The following KIF23 variants were observed in gnomAD, a reference collection of about 807,000 sequenced individuals.
The protein encoded by KIF23 is kinesin-like protein KIF23.
A neutral mutation model predicts 137.5 loss-of-function variants in KIF23; 30 were observed. The observed-to-expected ratio is 0.22, with a 90% confidence interval of 0.16 to 0.30. KIF23 has a LOEUF of 0.30. Ranked by LOEUF, KIF23 falls within the 10% of genes least tolerant of loss-of-function variation. KIF23 has a pLI of 1.00. For missense variants in KIF23, 920 were observed against 1,194.3 expected (o/e 0.77, Z 3.38); for synonymous variants, 367 against 391.1 (o/e 0.94, Z 0.73).
Position 69,444,837 on chromosome 15 carries a change from C to T in KIF23, c.2469C>T (p.His823=). Residue 823 remains histidine, a synonymous_variant, in exon 20 of 24, where the codon CAC becomes CAT. Coordinates refer to ENST00000679126, the MANE Select transcript of KIF23 (RefSeq NM_001367805.3). The surrounding 1 kb of genome is among the most constrained non-coding windows in gnomAD (Gnocchi z 4.2). ...DQNAPPIRLR[H]RRSRSAGDRW... ...ACGCACCACCAATTCGTCTCCGACA[C>T]AGACGATCACGCTCTGCAGGAGACA... 2 of 1,614,130 alleles carry T rather than the reference C, an allele frequency of 1.2e-6. No individual in the cohort carries two copies. Among genetic ancestry groups the T allele is most frequent in the South Asian group, 1.1e-5 (1 of 91,078 alleles).
rs1287660616 is a variant in KIF23, at chr15:69,426,132, C to T, written c.839C>T (p.Thr280Ile). The T allele has an allele frequency of 1.2e-6, 2 of 1,609,328 alleles. No homozygotes were observed. Among genetic ancestry groups the T allele is most frequent in the African/African-American group, 1.3e-5 (1 of 74,484 alleles). The change falls in exon 9 of 24, where the codon ACA (threonine) becomes ATA (isoleucine). Residue 280 changes from threonine to isoleucine, a missense_variant. Physicochemically the swap from Thr to Ile is moderately conservative, Grantham distance 89. This residue lies in a region of KIF23 where 714 missense variants were observed against 866.2 expected (regional missense o/e 0.82). Coordinates refer to ENST00000679126, the MANE Select transcript of KIF23 (RefSeq NM_001367805.3). ...CATAACATGTATGTTGCAGGATGTA[C>T]AGAAGTTGAAGTGAAATCTACTGAG... The part of the protein sequence containing the change: ...KNHNMYVAGC[T>I]EVEVKSTEEA...
At chr15:69,434,984 C>T in intron 11 of KIF23, 2 of 627,902 alleles carry the variant, frequency 3.2e-6, no homozygotes, top group South Asian at 4.0e-5. Context: ...CCGTGGACAG[C>T]TTCAGAAACA....
intron 10 of KIF23, chr15:69,427,309 C>G (rs2057223070): frequency 4.6e-6 from 2 of 439,160 alleles, no homozygotes; most frequent in South Asian, 1.6e-5. Flanking sequence ...CTCGAGGACA[C>G]CAAGGGATGA....
chr15:69,414,575 G>GCAGCGCGGA, intron 1 of KIF23, 99 bp downstream of exon 1: 4 of 1,244,012 alleles, frequency 3.2e-6, no homozygotes, highest in Non-Finnish European at 4.1e-6. Flanking sequence ...CCGTACGCGG[G>GCAGCGCGGA]CAGCGCGGAC....
In KIF23 at chr15:69,440,803, C is replaced by A. The variant is rs1305633140; in HGVS notation, c.2145C>A (p.Gly715=). Residue 715 remains glycine, a synonymous_variant, in exon 19 of 24, where the codon GGC becomes GGA. Coordinates refer to ENST00000679126, the MANE Select transcript of KIF23 (RefSeq NM_001367805.3). Reference sequence around the variant, plus strand: ...ACTATATTGCTCAGATTTCCAACGGCCAGCAACTCATGAGCCAGCCACAGC... The same window carrying A: ...ACTATATTGCTCAGATTTCCAACGGACAGCAACTCATGAGCCAGCCACAGC... ...SSNYIAQISN[G]QQLMSQPQLH... is the part of the protein sequence containing the mutation. 6.2e-7 allele frequency: 1 copy of A among 1,612,034 alleles called. No individual in the cohort carries two copies. The highest frequency in any genetic ancestry group is 2.2e-5 in the East Asian group (1 of 44,894).
intron 22 of KIF23, 52 bp downstream of exon 22, chr15:69,446,416 T>G (rs1267379601): frequency 7.1e-7 from 1 of 1,406,040 alleles, no homozygotes; most frequent in Non-Finnish European, 1.0e-6. Context: ...GTTTGTCATG[T>G]TTTAAACCCC....
chr15:69,425,242 T>A (rs1316192539), intron 7 of KIF23, 40 bp from the exon 8 acceptor site: 1 of 1,506,866 alleles, frequency 6.6e-7, no homozygotes, highest in East Asian at 2.5e-5. Flanking sequence ...GTGAGATGGC[T>A]GCTGTAGAAA....
At chr15:69,428,660 CAAAAAA>C (rs59950355) in intron 10 of KIF23, among the ~76,000 whole-genome samples, 1 of 74,040 alleles carries the variant, frequency 1.4e-5, no homozygotes, top group African/African-American at 5.8e-5. Flanking sequence ...CTCTGTCTCC[CAAAAAA>C]AAAAAAAAAA....
chr15:69,425,366 G>GT, intron 8 of KIF23, 43 bp downstream of exon 8: 5 of 1,488,080 alleles, frequency 3.4e-6, no homozygotes, highest in Non-Finnish European at 4.5e-6. Flanking sequence ...GAAGGGTGCA[G>GT]TTATACTATG....
intron 18 of KIF23, 44 bp from the exon 19 acceptor site, chr15:69,440,724 C>T (rs748154531): frequency 1.4e-6 from 2 of 1,472,866 alleles, no homozygotes; most frequent in Non-Finnish European, 1.8e-6. Context: ...TTGTTTCTCT[C>T]AGTTTTTCAG....
At chr15:69,414,739 C>T in intron 1 of KIF23, 1 of 384,100 alleles carries the variant, frequency 2.6e-6, no homozygotes, top group East Asian at 3.9e-5. Flanking sequence ...CGGCCCGGAG[C>T]CGGGGTTGTT....
At chr15:69,424,584 A>G (rs1377054324) in intron 7 of KIF23, among the ~76,000 whole-genome samples, 2 of 152,078 alleles carry the variant, frequency 1.3e-5, no homozygotes, top group East Asian at 1.9e-4. Flanking sequence ...ACTGCAGCCA[A>G]CCTCCTGGGT....
In KIF23 at chr15:69,417,427, T is replaced by C. The variant is rs771645248; in HGVS notation, c.126T>C (p.Cys42=). The C allele has an allele frequency of 6.2e-7, 1 of 1,612,646 alleles. No homozygotes were observed. The highest frequency in any genetic ancestry group is 1.1e-5 in the South Asian group (1 of 90,758). Residue 42 remains cysteine, a synonymous_variant, in exon 3 of 24, where the codon TGT becomes TGC. Transcript: ENST00000679126. ...VRPLGFPDQE[C]CIEVINNTTV... ...CACTGGGCTTTCCTGATCAAGAGTG[T>C]TGCATAGAAGTGATCAATAATACAA... is the stretch of plus-strand genomic sequence containing the variant.
intron 3 of KIF23, among the ~76,000 whole-genome samples, chr15:69,420,084 G>T (rs190759884): frequency 1.1e-3 from 166 of 152,178 alleles, no homozygotes; most frequent in African/African-American, 3.9e-3. Flanking sequence ...GGCCAACATG[G>T]CGAAACCCCA....
chr15:69,439,889 G>A lies in KIF23; in HGVS notation c.1756-15G>A. The stretch of plus-strand genomic sequence containing the variant: ...TTATATACCAAATATTGAACATAGT[G>A]GTCTACCTTCCTAGATTGAGATTTT... On this transcript the variant is annotated splice_polypyrimidine_tract_variant and intron_variant, in intron 16 of 23. Transcript: ENST00000679126. 1 of 1,591,024 alleles carries A rather than the reference G, an allele frequency of 6.3e-7. No homozygotes were observed.
intron 10 of KIF23, chr15:69,427,626 A>G (rs1450514962): frequency 5.7e-6 from 2 of 352,928 alleles, no homozygotes; most frequent in East Asian, 7.3e-5. Context: ...AGGGTCCCCC[A>G]TATGCAGATC....
At chr15:69,436,450 G>C (rs1027088000) in intron 14 of KIF23, 114 bp from the exon 15 acceptor site, 5 of 1,195,848 alleles carry the variant, frequency 4.2e-6, no homozygotes, top group Non-Finnish European at 5.9e-6. Context: ...ACTTATGTCA[G>C]CTCAAGAAAT....
intron 3 of KIF23, among the ~76,000 whole-genome samples, chr15:69,420,263 CA>C (rs993915353): frequency 6.3e-4 from 90 of 142,200 alleles, no homozygotes; most frequent in African/African-American, 4.9e-4. Flanking sequence ...GACTCTGTTT[CA>C]AAAAAAAAAA....
Position 69,429,092 on chromosome 15 carries a change from G to C in KIF23, c.1012-19G>C. The C allele has an allele frequency of 2.0e-6, 3 of 1,535,202 alleles. No homozygotes were observed. Among genetic ancestry groups the C allele is most frequent in the Non-Finnish European group, 2.7e-6 (3 of 1,115,662 alleles). On this transcript the variant is annotated intron_variant, in intron 10 of 23. Coordinates refer to ENST00000679126, the MANE Select transcript of KIF23 (RefSeq NM_001367805.3). Reference sequence around the variant, plus strand: ...CAGTTATAACCCATTTTAAGTTATTGGCTTTGTGATCTTTTTAGGAAAAAG... The same window carrying C: ...CAGTTATAACCCATTTTAAGTTATTCGCTTTGTGATCTTTTTAGGAAAAAG...
Sources: gnomAD v4.1 joint callset for allele counts (sites outside exome capture counted in the v4.1 genomes callset) on GRCh38, gnomAD v4.1.1 for gene constraint, gnomAD v4.1.1 regional missense constraint, Gnocchi (gnomAD v3.1) non-coding constraint, MANE v1.5 for transcripts, NCBI Gene and HGNC (gene_info 2026-07-23, HGNC 2026-07-21) for gene names.